XRCC4: variants seen among roughly 807,000 people sequenced by gnomAD.
XRCC4 encodes DNA repair protein XRCC4.
Under a neutral mutation model 39.1 loss-of-function variants are expected in XRCC4, and 28 were observed. The ratio of observed to expected loss-of-function variants is 0.72; its 90% confidence interval spans 0.53 to 0.98. XRCC4 has a LOEUF of 0.98. Ranked by LOEUF, XRCC4 falls within the 50% of genes least tolerant of loss-of-function variation. The pLI is 0.00. For synonymous variants in XRCC4, 123 were observed against 126.4 expected (o/e 0.97, Z 0.18); for missense variants, 350 against 376.4 (o/e 0.93, Z 0.58).
At chr5:83,229,452 G>T (rs987770444) in intron 6 of XRCC4, among the ~76,000 whole-genome samples, 7 of 151,602 alleles carry the variant, frequency 4.6e-5, no homozygotes, top group African/African-American at 1.7e-4. Flanking sequence ...ATGGTATCTA[G>T]TATTGTTAAC....
intron 7 of XRCC4, among the ~76,000 whole-genome samples, chr5:83,290,684 GT>G (rs1264490643): frequency 6.6e-6 from 1 of 151,812 alleles, no homozygotes; most frequent in African/African-American, 2.4e-5. Context: ...AATTTGGAGA[GT>G]TTAGGGATTT....
chr5:83,112,905 G>A (rs1746514616), intron 3 of XRCC4, among the ~76,000 whole-genome samples: 1 of 152,058 alleles, frequency 6.6e-6, no homozygotes, highest in Non-Finnish European at 1.5e-5. Flanking sequence ...ATGAGATTTG[G>A]GTGGAGACAC....
intron 7 of XRCC4, among the ~76,000 whole-genome samples, chr5:83,263,099 G>A (rs1580440624): frequency 6.8e-6 from 1 of 147,192 alleles, no homozygotes; most frequent in Non-Finnish European, 1.5e-5. Context: ...GCGGTGTTTG[G>A]TTTTTTGTTC....
chr5:83,353,398 C>T lies in XRCC4; in HGVS notation c.*156C>T, dbSNP rs1757142674. ...TGAAACCATTGTGCAAAATGGATTACACATGTATACAAAGATACGATTTGA... is the reference window on the plus strand; with the variant it reads ...TGAAACCATTGTGCAAAATGGATTATACATGTATACAAAGATACGATTTGA... On this transcript the variant is annotated 3_prime_UTR_variant, in exon 8 of 8. Transcript: ENST00000396027. The T allele has an allele frequency of 1.8e-6, 1 of 556,674 alleles. No homozygotes were observed. Among genetic ancestry groups the T allele is most frequent in the Non-Finnish European group, 3.2e-6 (1 of 316,652 alleles). 34.5% of individuals were successfully genotyped at this position (556,674 alleles called of 1,614,324 possible). A position where few individuals can be genotyped will look rare whatever the true frequency, so the allele number is the denominator to read the frequency against.
intron 6 of XRCC4, among the ~76,000 whole-genome samples, chr5:83,216,516 T>A (rs1308920769): frequency 1.3e-5 from 2 of 152,200 alleles, no homozygotes; most frequent in African/African-American, 2.4e-5. Context: ...TATACTTGAC[T>A]GTTCATCAGA....
chr5:83,172,940 A>G (rs1252850328), intron 3 of XRCC4, among the ~76,000 whole-genome samples: 1 of 152,138 alleles, frequency 6.6e-6, no homozygotes, highest in Non-Finnish European at 1.5e-5. Flanking sequence ...TAGTGATGAC[A>G]TCAGTTGTCT....
At chr5:83,103,008 T>TGATA (rs1031994255) in intron 1 of XRCC4, among the ~76,000 whole-genome samples, 4 of 15,740 alleles carry the variant, frequency 2.5e-4, no homozygotes, top group Non-Finnish European at 4.3e-4. Context: ...AAGATAGAGC[T>TGATA]GATATATATA....
chr5:83,372,132 A>G, the XRCC4 span, among the ~76,000 whole-genome samples: 1 of 152,210 alleles, frequency 6.6e-6, no homozygotes, highest in Non-Finnish European at 1.5e-5. Flanking sequence ...CAAAATTGTG[A>G]AGAGTTATAC....
At position 83,203,691 on chromosome 5, in the gene XRCC4, G is replaced by C. The variant is rs777199609; in HGVS notation, c.622G>C (p.Asp208His). The change falls in exon 5 of 8, where the codon GAC becomes CAC. Residue 208 changes from aspartate to histidine, a missense_variant. Asp to His is a moderately conservative substitution (Grantham distance 81, BLOSUM62 -1). Transcript: ENST00000396027. ...AAATGCAGCTCAAGAACGAGAAAAG[G>C]ACATCAAACAAGAAGGGTATTTTCG... The part of the protein sequence containing the change: ...LLNAAQEREK[D>H]IKQEGETAIC... The C allele has an allele frequency of 6.2e-7, 1 of 1,608,010 alleles. No individual in the cohort carries two copies. The highest frequency in any genetic ancestry group is 8.5e-7 in the Non-Finnish European group (1 of 1,177,872).
At chr5:83,176,009 CAG>C (rs576049594) in intron 3 of XRCC4, among the ~76,000 whole-genome samples, 151 of 152,112 alleles carry the variant, frequency 9.9e-4, no homozygotes, top group African/African-American at 3.6e-3. Context: ...GCCTGGGTGA[CAG>C]AGTGAGACCC....
At chr5:83,302,895 CAG>C (rs1755340032) in intron 7 of XRCC4, among the ~76,000 whole-genome samples, 1 of 152,100 alleles carries the variant, frequency 6.6e-6, no homozygotes, top group Non-Finnish European at 1.5e-5. Flanking sequence ...GACTGAGGCA[CAG>C]AGTCACAAAT....
chr5:83,228,219 A>C (rs28360193), intron 6 of XRCC4, among the ~76,000 whole-genome samples: 4,013 of 152,180 alleles, frequency 0.026, 76 homozygotes, highest in Non-Finnish European at 0.04. Context: ...CAATATAAAT[A>C]ACATATAACA....
chr5:83,198,154 T>C (rs1295236416), intron 4 of XRCC4, among the ~76,000 whole-genome samples: 5 of 152,104 alleles, frequency 3.3e-5, no homozygotes, highest in Non-Finnish European at 7.4e-5. Context: ...AGAGAATCAT[T>C]AGAGTTGGGG....
chr5:83,198,272 G>T (rs1462665115), intron 4 of XRCC4, among the ~76,000 whole-genome samples: 1 of 152,120 alleles, frequency 6.6e-6, no homozygotes, highest in Non-Finnish European at 1.5e-5. Flanking sequence ...CATATGAAGG[G>T]ATGGGAGGGT....
At chr5:83,273,725 G>T (rs867052328) in intron 7 of XRCC4, among the ~76,000 whole-genome samples, 4 of 152,116 alleles carry the variant, frequency 2.6e-5, no homozygotes, top group South Asian at 2.1e-4. Context: ...TTGGATGCTT[G>T]TAGATGTGTG....
At chr5:83,223,154 G>A (rs1040691025) in intron 6 of XRCC4, among the ~76,000 whole-genome samples, 1 of 152,160 alleles carries the variant, frequency 6.6e-6, no homozygotes, top group African/African-American at 2.4e-5. Context: ...GTATTCTGCA[G>A]CTGTTGGGTG....
At chr5:83,116,389 T>A (rs1199812658) in intron 3 of XRCC4, among the ~76,000 whole-genome samples, 1 of 152,138 alleles carries the variant, frequency 6.6e-6, no homozygotes, top group East Asian at 1.9e-4. Context: ...TTGCCATCAG[T>A]TCAAGAAATT....
chr5:83,266,390 C>T (rs1753955361), intron 7 of XRCC4, among the ~76,000 whole-genome samples: 2 of 150,386 alleles, frequency 1.3e-5, no homozygotes, highest in South Asian at 2.1e-4. Context: ...AAATATTTTA[C>T]CCACTAGAAA....
intron 3 of XRCC4, among the ~76,000 whole-genome samples, chr5:83,146,118 C>T (rs2112536738): frequency 6.6e-6 from 1 of 152,246 alleles, no homozygotes; most frequent in South Asian, 2.1e-4. Context: ...CTAGTTTATG[C>T]CTTGCCTAAT....
Sources: gnomAD v4.1 joint callset for allele counts (sites outside exome capture counted in the v4.1 genomes callset) on GRCh38, gnomAD v4.1.1 for gene constraint, MANE v1.5 for transcripts, NCBI Gene and HGNC (gene_info 2026-07-23, HGNC 2026-07-21) for gene names.